The following PCDHGA8 variants were observed in gnomAD, a reference collection of about 807,000 sequenced individuals.
PCDHGA8 encodes the protein protocadherin gamma-A8.
A neutral mutation model predicts 59.2 loss-of-function variants in PCDHGA8; 45 were observed. The observed-to-expected ratio is 0.76, with a 90% CI of 0.60 to 0.98. PCDHGA8 has a LOEUF of 0.98. PCDHGA8 is among the 50% of genes least tolerant of loss of function. The probability of loss-of-function intolerance (pLI) is 0.00; values close to 1 mark genes in which losing one functional copy is unlikely to be tolerated. For missense variants in PCDHGA8, 1,257 were observed against 1,196.2 expected, an observed-to-expected ratio of 1.05 and a Z score of -0.75; for synonymous variants, 531 against 519.0, an observed-to-expected ratio of 1.02 and a Z score of -0.32.
intron 1 of PCDHGA8, among the ~76,000 whole-genome samples, chr5:141,443,034 A>T (rs368996869): frequency 2.0e-5 from 3 of 152,172 alleles, no homozygotes; most frequent in East Asian, 3.8e-4. Context: ...CCAGACCTAA[A>T]CTTTGAAAAT....
At chr5:141,481,441 T>C (rs1397908285) in intron 1 of PCDHGA8, among the ~76,000 whole-genome samples, 1 of 152,250 alleles carries the variant, frequency 6.6e-6, no homozygotes, top group East Asian at 1.9e-4. Context: ...ATCAGTTTAG[T>C]ACATGTAAAT....
At chr5:141,410,666 T>C (rs376209053) in intron 1 of PCDHGA8, 1 of 1,566,008 alleles carries the variant, frequency 6.4e-7, no homozygotes, top group Non-Finnish European at 8.6e-7. Flanking sequence ...AGTCTACTAG[T>C]TTCTCATATT....
chr5:141,476,601 C>A lies in PCDHGA8; in HGVS notation c.2425-18206C>A. On this transcript the variant is annotated intron_variant, in intron 1 of 3. Coordinates refer to ENST00000398604, the MANE Select transcript of PCDHGA8 (RefSeq NM_032088.2). The surrounding 1 kb of genome is among the most constrained non-coding windows in gnomAD (Gnocchi z 7.6). ...TTTCCGCTCGAGAGCGCGCACGATC[C>A]CGATGTGGGAAGCAACTCTTTACAA... The A allele has an allele frequency of 6.2e-7, 1 of 1,614,228 alleles. No homozygotes were observed. The highest frequency in any genetic ancestry group is 2.2e-5 in the East Asian group (1 of 44,878).
At chr5:141,464,976 A>G (rs2154568682) in intron 1 of PCDHGA8, among the ~76,000 whole-genome samples, 1 of 152,214 alleles carries the variant, frequency 6.6e-6, no homozygotes, top group East Asian at 1.9e-4. Flanking sequence ...TACTGGCTTC[A>G]AGTGATCCTC....
chr5:141,404,919 C>T, intron 1 of PCDHGA8: 1 of 1,613,924 alleles, frequency 6.2e-7, no homozygotes, highest in Non-Finnish European at 8.5e-7. Context: ...CCTCTCTCGG[C>T]CACTGTCACG....
intron 2 of PCDHGA8, among the ~76,000 whole-genome samples, chr5:141,504,369 A>G (rs968327872): frequency 6.6e-5 from 10 of 152,272 alleles, no homozygotes; most frequent in Non-Finnish European, 1.2e-4. Context: ...AGTAGGAAGC[A>G]GGTGGAGTCG....
intron 1 of PCDHGA8, chr5:141,423,316 G>C (rs1424301976): frequency 1.2e-6 from 2 of 1,614,044 alleles, no homozygotes; most frequent in Non-Finnish European, 1.7e-6. Context: ...CTTGGTGGTG[G>C]CGGTGGCCGC....
rs766050828 is a variant in PCDHGA8, at chr5:141,394,215, G to A, written c.1402G>A (p.Gly468Arg). The A allele has an allele frequency of 1.9e-6, 3 of 1,613,902 alleles. No individual in the cohort carries two copies. The South Asian group carries it at 3.3e-5, about 18-fold the overall frequency. ...GTATATCCTAGAGAACAACCTGAGA[G>A]GAGCCTCCATCTTTTCCTTGACTGC... is the stretch of plus-strand genomic sequence containing the variant. ...SAYILENNLRGASIFSLTAHD... is the reference protein window; with the variant it reads ...SAYILENNLRRASIFSLTAHD... The change falls in exon 1 of 4, where the codon GGA becomes AGA. Residue 468 changes from glycine to arginine, a missense_variant. Transcript: ENST00000398604.
Position 141,397,950 on chromosome 5 carries a change from G to T in PCDHGA8, c.2424+2713G>T, listed in dbSNP as rs142142786. 7.7e-4 allele frequency: 722 copies of T among 938,408 alleles called. 6 individuals carry two copies. The African/African-American group carries it at 0.01, about 13-fold the overall frequency. 58.1% of individuals were successfully genotyped at this position (938,408 alleles called of 1,614,324 possible). A position where few individuals can be genotyped will look rare whatever the true frequency, so the allele number is the denominator to read the frequency against. On this transcript the variant is annotated intron_variant, in intron 1 of 3. Transcript: ENST00000398604. ...CAGCCGCAGCGCGCTTTCCAGGGCA[G>T]CCCCAGCTCAGACTCCCCAGCGCCG... is the stretch of plus-strand genomic sequence containing the variant.
At chr5:141,480,240 CAAA>C (rs11374694) in intron 1 of PCDHGA8, among the ~76,000 whole-genome samples, 1 of 114,046 alleles carries the variant, frequency 8.8e-6, no homozygotes, top group African/African-American at 3.3e-5. Flanking sequence ...CCTGTCTCTA[CAAA>C]AAAAAAAAAA....
intron 3 of PCDHGA8, 149 bp downstream of exon 3, chr5:141,505,630 A>T: frequency 6.8e-7 from 1 of 1,480,262 alleles, no homozygotes; most frequent in East Asian, 2.4e-5. Flanking sequence ...AATTCCAAAC[A>T]TAAAGCCTGG....
intron 1 of PCDHGA8, among the ~76,000 whole-genome samples, chr5:141,455,998 T>C (rs1301217416): frequency 2.6e-5 from 4 of 151,692 alleles, no homozygotes; most frequent in Non-Finnish European, 4.4e-5. Flanking sequence ...CTCGGGTTCA[T>C]GCCATTCTCC....
At chr5:141,474,834 A>G (rs557557147) in intron 1 of PCDHGA8, among the ~76,000 whole-genome samples, 4 of 152,380 alleles carry the variant, frequency 2.6e-5, no homozygotes, top group South Asian at 4.1e-4. Context: ...ACTCTGTGCC[A>G]GGCACTTTAC....
chr5:141,399,727 G>A, intron 1 of PCDHGA8: 1 of 1,613,308 alleles, frequency 6.2e-7, no homozygotes, highest in Non-Finnish European at 8.5e-7. Context: ...CCGCGACCAG[G>A]GCTCGCCTGC....
At position 141,511,271 on chromosome 5, in the gene PCDHGA8, C is replaced by T. The variant is rs371445452; in HGVS notation, c.*98C>T. ...GCCTCAGAGTTTCAGGGCTAACCCC[C>T]AGAATACTGGTAGGGGCCAAGGCCA... On this transcript the variant is annotated 3_prime_UTR_variant, in exon 4 of 4. Transcript: ENST00000398604. 9.1e-6 allele frequency: 14 copies of T among 1,544,094 alleles called. No individual in the cohort carries two copies. In the African/African-American group the frequency reaches 1.6e-4, roughly 18 times the overall value.
In PCDHGA8 at chr5:141,432,645, C is replaced by T. The variant is rs758701539; in HGVS notation, c.2424+37408C>T. On this transcript the variant is annotated intron_variant, in intron 1 of 3. Coordinates refer to ENST00000398604, the MANE Select transcript of PCDHGA8 (RefSeq NM_032088.2). The surrounding 1 kb of genome is among the most constrained non-coding windows in gnomAD (Gnocchi z 6.0). Reference sequence around the variant, plus strand: ...CTGCACACGGGCGAGGTGCGCACGGCGCGAGCCCTGCTGGACAGAGACGCG... The same window carrying T: ...CTGCACACGGGCGAGGTGCGCACGGTGCGAGCCCTGCTGGACAGAGACGCG... 1 of 1,613,746 alleles carries T rather than the reference C, an allele frequency of 6.2e-7. No homozygotes were observed. Among genetic ancestry groups the T allele is most frequent in the Admixed American group, 1.7e-5 (1 of 60,006 alleles).
In PCDHGA8 at chr5:141,477,590, C is replaced by T. The variant is rs1465863595; in HGVS notation, c.2425-17217C>T. On this transcript the variant is annotated intron_variant, in intron 1 of 3. Coordinates refer to ENST00000398604, the MANE Select transcript of PCDHGA8 (RefSeq NM_032088.2). This position sits in a 1 kb window ranked among gnomAD's most constrained non-coding sequence, Gnocchi z 4.9. ...CCCCGACGCCCCGCAGAATGCTCGG[C>T]TTTCTTTCTTTCTCTTGGAGCAAGG... The T allele has an allele frequency of 1.2e-6, 2 of 1,614,122 alleles. No individual in the cohort carries two copies. Among genetic ancestry groups the T allele is most frequent in the South Asian group, 2.2e-5 (2 of 91,080 alleles).
At chr5:141,482,673 G>A (rs1278135239) in intron 1 of PCDHGA8, among the ~76,000 whole-genome samples, 1 of 152,156 alleles carries the variant, frequency 6.6e-6, no homozygotes, top group Non-Finnish European at 1.5e-5. Context: ...TAAAGGTTGA[G>A]TAGTAGCTTG....
In PCDHGA8 at chr5:141,493,550, T is replaced by C. The variant is rs978188511; in HGVS notation, c.2425-1257T>C. On this transcript the variant is annotated intron_variant, in intron 1 of 3. Coordinates refer to ENST00000398604, the MANE Select transcript of PCDHGA8 (RefSeq NM_032088.2). This position sits in a 1 kb window ranked among gnomAD's most constrained non-coding sequence, Gnocchi z 4.3. Reference sequence around the variant, plus strand: ...ACTTGGCCAGTTATCCTTTTGGAGATTGAGTTCCCCCAGCTCCGTTTCCTC... The same window carrying C: ...ACTTGGCCAGTTATCCTTTTGGAGACTGAGTTCCCCCAGCTCCGTTTCCTC... Among the ~76,000 whole-genome samples the C allele has an allele frequency of 1.3e-5, 2 of 152,172 alleles. No homozygotes were observed. The highest frequency in any genetic ancestry group is 2.4e-5 in the African/African-American group (1 of 41,430).
Sources: allele counts gnomAD v4.1 joint callset (sites outside exome capture counted in the v4.1 genomes callset), GRCh38; gene constraint gnomAD v4.1.1; non-coding constraint Gnocchi (gnomAD v3.1); transcripts MANE v1.5; gene names NCBI Gene and HGNC (gene_info 2026-07-23, HGNC 2026-07-21).